Variants in DPP10 observed in about 807,000 individuals in gnomAD.
DPP10 encodes the protein dipeptidyl peptidase like 10.
A neutral mutation model predicts 120.9 loss-of-function variants in DPP10; 33 were observed. The observed-to-expected ratio is 0.27, with a 90% CI of 0.21 to 0.37. DPP10 has a LOEUF of 0.37. Ranked by LOEUF, DPP10 falls within the 10% of genes least tolerant of loss-of-function variation. The pLI is 1.00. For missense variants in DPP10, 816 were observed against 942.8 expected (o/e 0.87, Z 1.76); for synonymous variants, 337 against 326.1 (o/e 1.03, Z -0.36).
At chr2:115,009,861 C>T (rs1431448084) in intron 1 of DPP10, among the ~76,000 whole-genome samples, 1 of 152,114 alleles carries the variant, frequency 6.6e-6, no homozygotes, top group Non-Finnish European at 1.5e-5. Flanking sequence ...GATGTACATT[C>T]ACTACTCATT....
At chr2:115,503,000 G>A (rs189461148) in intron 4 of DPP10, among the ~76,000 whole-genome samples, 5 of 152,036 alleles carry the variant, frequency 3.3e-5, no homozygotes, top group Non-Finnish European at 7.4e-5. Flanking sequence ...ACAGAGCTTG[G>A]CCCCCTAGAA....
rs187645359 is a variant in DPP10, at chr2:114,967,905, A to G, written c.61-341334A>G. Reference sequence around the variant, plus strand: ...TGAGCATCACTTGGGGGCTTATTAGAAATGCAAATTCTCAGGCCTCGACTT... The same window carrying G: ...TGAGCATCACTTGGGGGCTTATTAGGAATGCAAATTCTCAGGCCTCGACTT... On this transcript the variant is annotated intron_variant, in intron 1 of 25. Transcript: ENST00000410059. Among the ~76,000 whole-genome samples the G allele has an allele frequency of 2.6e-5, 4 of 152,262 alleles. No homozygotes were observed. The East Asian group carries it at 7.8e-4, about 30-fold the overall frequency.
chr2:114,802,666 A>G (rs1684360161), intron 1 of DPP10, among the ~76,000 whole-genome samples: 1 of 152,206 alleles, frequency 6.6e-6, no homozygotes, highest in South Asian at 2.1e-4. Flanking sequence ...TGAAGAGACC[A>G]TGGGAGTCAG....
At chr2:114,500,405 A>G (rs920756886) in intron 1 of DPP10, among the ~76,000 whole-genome samples, 2 of 152,208 alleles carry the variant, frequency 1.3e-5, no homozygotes, top group African/African-American at 4.8e-5. Flanking sequence ...TGTCTCTGAC[A>G]ATTTTCACAA....
chr2:115,422,662 T>G (rs928573893), intron 3 of DPP10, among the ~76,000 whole-genome samples: 3 of 152,200 alleles, frequency 2.0e-5, no homozygotes, highest in African/African-American at 7.2e-5. Flanking sequence ...AATATGATTT[T>G]AGTCCTTTAA....
intron 1 of DPP10, among the ~76,000 whole-genome samples, chr2:114,689,556 A>G (rs72826527): frequency 0.013 from 1,900 of 151,968 alleles, 12 homozygotes; most frequent in Middle Eastern, 0.027. Context: ...GTGTACATAC[A>G]TCTTCATATA....
intron 1 of DPP10, among the ~76,000 whole-genome samples, chr2:115,258,033 A>G (rs978989801): frequency 2.6e-5 from 4 of 152,190 alleles, no homozygotes; most frequent in Non-Finnish European, 5.9e-5. Context: ...GATTACTTCT[A>G]TTCCTTAAAT....
At chr2:115,707,462 ACTCT>A (rs749106578) in intron 7 of DPP10, among the ~76,000 whole-genome samples, 7 of 134,432 alleles carry the variant, frequency 5.2e-5, no homozygotes, top group African/African-American at 2.1e-4. Context: ...ACACACACAC[ACTCT>A]CTCCACATTT....
chr2:114,581,966 A>T (rs773226381), intron 1 of DPP10, among the ~76,000 whole-genome samples: 1 of 152,206 alleles, frequency 6.6e-6, no homozygotes, highest in Non-Finnish European at 1.5e-5. Flanking sequence ...ACACATCATT[A>T]TCGTCCAAAC....
chr2:114,982,558 G>GA (rs1700147376), intron 1 of DPP10, among the ~76,000 whole-genome samples: 1 of 151,404 alleles, frequency 6.6e-6, no homozygotes, highest in South Asian at 2.1e-4. Context: ...AACAAAATAT[G>GA]AAAAAAATCA....
At position 115,272,338 on chromosome 2, in the gene DPP10, T is replaced by C. The variant is rs538680087; in HGVS notation, c.61-36901T>C. On this transcript the variant is annotated intron_variant, in intron 1 of 25. Transcript: ENST00000410059. ...TAAAATAGGCCATTCCAGTAATTGC[T>C]TAGAAAAATATTATTTGTACAGCTT... Among the ~76,000 whole-genome samples the C allele has an allele frequency of 3.8e-4, 58 of 152,314 alleles. 1 individual carries two copies. The highest frequency in any genetic ancestry group is 1.3e-3 in the African/African-American group (56 of 41,580).
At chr2:114,836,516 C>A (rs1001326747) in intron 1 of DPP10, among the ~76,000 whole-genome samples, 14 of 152,058 alleles carry the variant, frequency 9.2e-5, no homozygotes, top group African/African-American at 3.4e-4. Context: ...GTGTGGGTCA[C>A]AAGAGATCAC....
intron 3 of DPP10, among the ~76,000 whole-genome samples, chr2:115,344,345 T>G (rs2063607984): frequency 6.6e-6 from 1 of 152,280 alleles, no homozygotes; most frequent in Non-Finnish European, 1.5e-5. Context: ...TACATGACTT[T>G]AAGGATGTAT....
chr2:114,822,581 A>G (rs1313874093), intron 1 of DPP10, among the ~76,000 whole-genome samples: 1 of 150,764 alleles, frequency 6.6e-6, no homozygotes, highest in African/African-American at 2.4e-5. Flanking sequence ...TTGCTTTTGT[A>G]TTGCATTGCC....
chr2:114,604,134 G>A (rs1047191630), intron 1 of DPP10, among the ~76,000 whole-genome samples: 5 of 151,912 alleles, frequency 3.3e-5, no homozygotes, highest in Non-Finnish European at 7.4e-5. Context: ...TTCTATAAGG[G>A]GCTGCTCACC....
intron 7 of DPP10, among the ~76,000 whole-genome samples, chr2:115,718,400 A>G (rs2149599979): frequency 6.6e-6 from 1 of 152,314 alleles, no homozygotes; most frequent in South Asian, 2.1e-4. Flanking sequence ...TGTCTCTGTG[A>G]TAGAAATTTC....
chr2:115,598,689 AT>A (rs2083134046), intron 5 of DPP10, among the ~76,000 whole-genome samples: 2 of 151,856 alleles, frequency 1.3e-5, no homozygotes, highest in African/African-American at 4.8e-5. Flanking sequence ...TTTTGAAGAA[AT>A]TTTTAAAATA....
chr2:115,545,002 G>C (rs2148979775), intron 5 of DPP10, among the ~76,000 whole-genome samples: 1 of 152,062 alleles, frequency 6.6e-6, no homozygotes. Flanking sequence ...ACCGAGAAAT[G>C]ACAGTGATTT....
chr2:114,711,572 A>C (rs1701032438), intron 1 of DPP10, among the ~76,000 whole-genome samples: 1 of 152,190 alleles, frequency 6.6e-6, no homozygotes, highest in Non-Finnish European at 1.5e-5. Flanking sequence ...AAATGAGGCC[A>C]TGTCTGCAAA....
Sources: gnomAD v4.1 joint callset for allele counts (sites outside exome capture counted in the v4.1 genomes callset) on GRCh38, gnomAD v4.1.1 for gene constraint, MANE v1.5 for transcripts, NCBI Gene and HGNC (gene_info 2026-07-23, HGNC 2026-07-21) for gene names.